The following HNRNPU variants were observed in gnomAD, a reference collection of about 807,000 sequenced individuals.
HNRNPU encodes the protein HNRNPU antisense RNA 1.
A neutral mutation model predicts 94.7 loss-of-function variants in HNRNPU; 5 were observed. The observed-to-expected ratio is 0.05, with a 90% CI of 0.03 to 0.11. HNRNPU has a LOEUF of 0.11. Ranked by LOEUF, HNRNPU falls within the 10% of genes least tolerant of loss-of-function variation. HNRNPU has a pLI of 1.00. For synonymous variants in HNRNPU, 434 were observed against 381.6 expected (o/e 1.14, Z -1.60); for missense variants, 710 against 1,049.2 (o/e 0.68, Z 4.47).
At chr1:244,861,675 C>A (rs1289664279) in intron 3 of HNRNPU, 1 of 151,266 alleles carries the variant, frequency 6.6e-6, no homozygotes, top group African/African-American at 2.4e-5. Flanking sequence ...TATTTTTATC[C>A]TTTGGTCTAT....
At chr1:244,860,860 TA>T (rs1202078975) in intron 3 of HNRNPU, 1 of 230,746 alleles carries the variant, frequency 4.3e-6, no homozygotes, top group East Asian at 8.5e-5. Flanking sequence ...AGTGCCACAT[TA>T]AAACTGAAGG....
At chr1:244,856,330 A>C in intron 10 of HNRNPU, 127 bp downstream of exon 10, 1 of 1,200,986 alleles carries the variant, frequency 8.3e-7, no homozygotes, top group Non-Finnish European at 1.2e-6. Flanking sequence ...GTATTGCTGG[A>C]AAAAATGTTA....
rs1467313172 is a variant in HNRNPU at position 244,857,625 on chromosome 1, G to A, written c.1587C>T (p.Gly529=). Reference sequence around the variant, plus strand: ...TCATCTTATCCATAATAGTATTTGTGCCAAGAATGTTATATTTCCCTGGAT... The same window carrying A: ...TCATCTTATCCATAATAGTATTTGTACCAAGAATGTTATATTTCCCTGGAT... ...AENPGKYNIL[G]TNTIMDKMMV... is the part of the protein sequence containing the mutation. Residue 529 remains glycine, a synonymous_variant, in exon 8 of 14, where the codon GGC becomes GGT. Transcript: ENST00000640218. 6.2e-7 allele frequency: 1 copy of A among 1,613,256 alleles called. No homozygotes were observed. The highest frequency in any genetic ancestry group is 1.1e-5 in the South Asian group (1 of 91,056).
chr1:244,860,547 G>T (rs1680799218), intron 3 of HNRNPU, 73 bp from the exon 4 acceptor site: 1 of 1,247,012 alleles, frequency 8.0e-7, no homozygotes. Flanking sequence ...ACAAAACTTG[G>T]TTACTTAATT....
rs1573333229 is a variant in HNRNPU, at chr1:244,859,603, T to C, written c.1018-229A>G. ...CCCATATTTAAAAGAATACTTAATA[T>C]TTTTAAAGTTCATGTTGTCAGTCTT... On this transcript the variant is annotated intron_variant, in intron 4 of 13. Coordinates refer to ENST00000640218, the MANE Select transcript of HNRNPU (RefSeq NM_031844.3). 11 of 326,234 alleles carry C rather than the reference T, an allele frequency of 3.4e-5. No homozygotes were observed. The East Asian group carries it at 5.3e-4, about 16-fold the overall frequency. The allele number at this position is 326,234 out of a possible 1,614,324, so 20.2% of individuals were successfully genotyped here. A position where few individuals can be genotyped will look rare whatever the true frequency, so the allele number is the denominator to read the frequency against.
At position 244,864,543 on chromosome 1, in the gene HNRNPU, C is replaced by T. The variant is rs1350595020; in HGVS notation, c.-236G>A. 5 of 573,276 alleles carry T rather than the reference C, an allele frequency of 8.7e-6. No individual in the cohort carries two copies. Among genetic ancestry groups the T allele is most frequent in the East Asian group, 7.7e-5 (2 of 26,134 alleles). 35.5% of individuals were successfully genotyped at this position (573,276 alleles called of 1,614,324 possible). ...GGCGCGAGCGAGCACGCAACGTCCT[C>T]TCGCAGGAGCGGCGCCGCGCACGTA... is the stretch of plus-strand genomic sequence containing the variant. On this transcript the variant is annotated 5_prime_UTR_variant, in exon 1 of 14. Transcript: ENST00000640218.
At chr1:244,860,230 C>T (rs1393747710) in intron 4 of HNRNPU, 105 bp downstream of exon 4, 27 of 860,342 alleles carry the variant, frequency 3.1e-5, no homozygotes, top group Middle Eastern at 2.3e-4. Flanking sequence ...GAACCCAGGA[C>T]GCGGAGGTTG....
chr1:244,855,324 T>C (rs2102984872), intron 12 of HNRNPU, 100 bp downstream of exon 12: 4 of 1,157,828 alleles, frequency 3.5e-6, no homozygotes, highest in Middle Eastern at 3.0e-4. Context: ...ATGCCTATCA[T>C]GTTCCTTACG....
At chr1:244,858,298 C>T in intron 6 of HNRNPU, 24 bp from the exon 7 acceptor site, 3 of 1,598,126 alleles carry the variant, frequency 1.9e-6, no homozygotes, top group Non-Finnish European at 2.6e-6. Flanking sequence ...AAAAATTCAA[C>T]AGTTAAAATC....
At chr1:244,857,197 A>G (rs1680703377) in intron 8 of HNRNPU, 2 of 233,064 alleles carry the variant, frequency 8.6e-6, no homozygotes, top group Admixed American at 1.1e-4. Context: ...GGATAGAGAC[A>G]AAGACAAAAA....
chr1:244,862,570 G>T (rs202049338), intron 2 of HNRNPU, 36 bp from the exon 3 acceptor site: 2 of 1,608,892 alleles, frequency 1.2e-6, no homozygotes, highest in South Asian at 1.1e-5. Flanking sequence ...ACAGCTTTCC[G>T]ATCAACGAAC....
intron 3 of HNRNPU, 47 bp downstream of exon 3, chr1:244,862,414 A>AAAAC (rs1553283357): frequency 1.2e-5 from 15 of 1,298,016 alleles, no homozygotes; most frequent in Non-Finnish European, 1.5e-5. Flanking sequence ...AAAAAAAAAA[A>AAAAC]CCACCATCAC....
chr1:244,862,166 T>A (rs1387237760), intron 3 of HNRNPU: 2 of 318,076 alleles, frequency 6.3e-6, no homozygotes, highest in African/African-American at 4.3e-5. Context: ...ATAGGTAGTG[T>A]TACAAGTTTC....
chr1:244,857,814 A>G lies in HNRNPU; in HGVS notation c.1495-97T>C, dbSNP rs1442169326. On this transcript the variant is annotated intron_variant, in intron 7 of 13. Transcript: ENST00000640218. ...GGCCAATTTAAATATCTAAGTTTTC[A>G]TAGCCCTTACACTAACGGACAAAAA... 3 of 1,479,336 alleles carry G rather than the reference A, an allele frequency of 2.0e-6. No individual in the cohort carries two copies. In the African/African-American group the frequency reaches 4.2e-5, roughly 21 times the overall value. 91.6% of individuals were successfully genotyped at this position (1,479,336 alleles called of 1,614,324 possible). A position where few individuals can be genotyped will look rare whatever the true frequency, so the allele number is the denominator to read the frequency against.
intron 11 of HNRNPU, 147 bp downstream of exon 11, chr1:244,855,757 G>A: frequency 8.1e-7 from 1 of 1,235,744 alleles, no homozygotes; most frequent in South Asian, 1.5e-5. Flanking sequence ...ACATAACCTA[G>A]GTGTATTTAA....
At chr1:244,862,414 A>AAAAAAAAAAC in intron 3 of HNRNPU, 47 bp downstream of exon 3, 2 of 1,298,114 alleles carry the variant, frequency 1.5e-6, no homozygotes, top group Non-Finnish European at 1.1e-6. Context: ...AAAAAAAAAA[A>AAAAAAAAAAC]CCACCATCAC....
At chr1:244,858,329 A>G in intron 6 of HNRNPU, 55 bp from the exon 7 acceptor site, 1 of 1,498,408 alleles carries the variant, frequency 6.7e-7, no homozygotes, top group Non-Finnish European at 9.1e-7. Context: ...AACTTTCTAA[A>G]AAACTAAGAA....
intron 4 of HNRNPU, 143 bp from the exon 5 acceptor site, chr1:244,859,517 G>A: frequency 2.0e-6 from 1 of 493,928 alleles, no homozygotes; most frequent in South Asian, 3.7e-5. Context: ...CCCAATATTT[G>A]TAAGAACTTT....
intron 4 of HNRNPU, chr1:244,859,956 A>C (rs1218044431): frequency 5.9e-6 from 1 of 169,940 alleles, no homozygotes; most frequent in African/African-American, 2.4e-5. Flanking sequence ...TGAGCTTAGG[A>C]GTTCAAGACC....
Sources: gnomAD v4.1 joint callset for allele counts on GRCh38, gnomAD v4.1.1 for gene constraint, MANE v1.5 for transcripts, NCBI Gene and HGNC (gene_info 2026-07-23, HGNC 2026-07-21) for gene names.